The following VPS29 variants were observed in gnomAD, a reference collection of about 807,000 sequenced individuals.
VPS29 encodes the protein vacuolar protein sorting-associated protein 29.
In VPS29, 2 loss-of-function variants were observed where a neutral mutation model predicts 20.0. The observed-to-expected ratio is 0.10, with a 90% CI of 0.04 to 0.31. The LOEUF (loss-of-function observed/expected upper bound fraction) is 0.31. Ranked by LOEUF, VPS29 falls within the 10% of genes least tolerant of loss-of-function variation. VPS29 has a pLI of 1.00. For synonymous variants in VPS29, 81 were observed against 79.3 expected, an observed-to-expected ratio of 1.02 and a Z score of -0.12; for missense variants, 120 against 215.3, an observed-to-expected ratio of 0.56 and a Z score of 2.77.
intron 1 of VPS29, among the ~76,000 whole-genome samples, chr12:110,497,207 CTTTTTTTT>C (rs71083128): frequency 1.1e-3 from 84 of 77,224 alleles, no homozygotes; most frequent in African/African-American, 3.6e-3. Context: ...AAATTTCTTT[CTTTTTTTT>C]TTTTTTTTTT....
chr12:110,492,265 G>A (rs563083280), intron 3 of VPS29, 143 bp from the exon 4 acceptor site: 6 of 690,462 alleles, frequency 8.7e-6, no homozygotes, highest in Non-Finnish European at 1.5e-5. Flanking sequence ...AAAATGGCTA[G>A]ATTTATTTAA....
Position 110,499,465 on chromosome 12 carries a change from G to A in VPS29, c.3+2584C>T, listed in dbSNP as rs893000714. 3.1e-6 allele frequency: 5 copies of A among 1,603,984 alleles called. No homozygotes were observed. The African/African-American group carries it at 5.4e-5, about 17-fold the overall frequency. On this transcript the variant is annotated intron_variant, in intron 1 of 3. Transcript: ENST00000549578. Reference sequence around the variant, plus strand: ...ACTTCCTTTCAACAGACCTTAAAAGGGTAAGAAATCCAGTCAGTAAACAGC... The same window carrying A: ...ACTTCCTTTCAACAGACCTTAAAAGAGTAAGAAATCCAGTCAGTAAACAGC...
Position 110,502,076 on chromosome 12 carries a change from A to C in VPS29, c.-25T>G. 3 of 1,609,426 alleles carry C rather than the reference A, an allele frequency of 1.9e-6. No individual in the cohort carries two copies. Among genetic ancestry groups the C allele is most frequent in the Non-Finnish European group, 2.5e-6 (3 of 1,178,584 alleles). On this transcript the variant is annotated 5_prime_UTR_variant, in exon 1 of 4. Transcript: ENST00000549578. ...TCCTGTCACCGGGCTCCGCTCAGTC[A>C]CCACCACCGTCGCCGCCCTCTTCCT...
rs55864430 is a variant in VPS29 at position 110,494,550 on chromosome 12, G to A, written c.196-1319C>T. The stretch of plus-strand genomic sequence containing the variant: ...ATTACAGGCGTGAGCCACCGCACCC[G>A]GCCTAAAATAAAATTTTCAAACTAG... On this transcript the variant is annotated intron_variant, in intron 2 of 3. Coordinates refer to ENST00000549578, the MANE Select transcript of VPS29 (RefSeq NM_016226.5). Among the ~76,000 whole-genome samples the A allele has an allele frequency of 9.9e-3, 1,501 of 151,580 alleles. 31 individuals carry two copies. Among genetic ancestry groups the A allele is most frequent in the African/African-American group, 0.035 (1,439 of 41,308 alleles).
chr12:110,493,957 A>G (rs1471517476), intron 2 of VPS29, among the ~76,000 whole-genome samples: 1 of 152,180 alleles, frequency 6.6e-6, no homozygotes, highest in African/African-American at 2.4e-5. Flanking sequence ...ACTTAGTATG[A>G]GCCAGGCACT....
At position 110,496,169 on chromosome 12, in the gene VPS29, T is replaced by A; in HGVS notation, c.38A>T (p.His13Leu). 1 of 1,613,676 alleles carries A rather than the reference T, an allele frequency of 6.2e-7. No homozygotes were observed. ...TTTAGCTGGCAAACTGTTGCACCGG[T>A]GTGGGATGTGCAGATCTCCTAATAC... ...VLVLGDLHIP[H>L]RCNSLPAKFK... Residue 13 changes from histidine to leucine, a missense_variant, in exon 2 of 4, where the codon CAC (histidine) becomes CTC (leucine). Coordinates refer to ENST00000549578, the MANE Select transcript of VPS29 (RefSeq NM_016226.5).
Position 110,493,230 on chromosome 12 carries a change from T to G in VPS29, c.197A>C (p.Asn66Thr), listed in dbSNP as rs201417283. The stretch of plus-strand genomic sequence containing the variant: ...AACTTTCTGTTCTGGATAATTCAGA[T>G]TCTAACATAAGAAAAAGACGTAAGA... ...VHIVRGDFDE[N>T]LNYPEQKVVT... Residue 66 changes from asparagine (N) to threonine (T), a missense_variant and splice_region_variant, in exon 3 of 4, where the codon AAT (asparagine) becomes ACT (threonine). Transcript: ENST00000549578. 1 of 1,496,794 alleles carries G rather than the reference T, an allele frequency of 6.7e-7. No homozygotes were observed. The allele number at this position is 1,496,794 out of a possible 1,614,324, so 92.7% of individuals were successfully genotyped here.
chr12:110,501,711 C>T (rs2063054471), intron 1 of VPS29: 3 of 1,308,532 alleles, frequency 2.3e-6, no homozygotes, highest in African/African-American at 1.5e-5. Context: ...GACCGTGCCC[C>T]TATCCCCGGA....
intron 1 of VPS29, chr12:110,496,788 C>A (rs964529201): frequency 6.6e-6 from 1 of 152,144 alleles, no homozygotes; most frequent in Non-Finnish European, 1.5e-5. Flanking sequence ...CAACTATGTG[C>A]AAGCATAATA....
chr12:110,497,615 G>C (rs552460168), intron 1 of VPS29, among the ~76,000 whole-genome samples: 2 of 152,192 alleles, frequency 1.3e-5, no homozygotes, highest in African/African-American at 4.8e-5. Context: ...GTCTGGCTGA[G>C]TGCGGTGGCT....
chr12:110,495,083 A>G (rs571284441), intron 2 of VPS29, among the ~76,000 whole-genome samples: 2 of 152,286 alleles, frequency 1.3e-5, no homozygotes, highest in Admixed American at 6.5e-5. Flanking sequence ...ACAAAGTAAA[A>G]TCTTACTTTT....
intron 1 of VPS29, chr12:110,501,442 A>T (rs1417876104): frequency 6.5e-7 from 1 of 1,535,374 alleles, no homozygotes; most frequent in Admixed American, 2.0e-5. Flanking sequence ...CAACCCGTGG[A>T]AAGAAACAGT....
chr12:110,501,446 A>AAAC (rs1303420112), intron 1 of VPS29: 1 of 1,535,394 alleles, frequency 6.5e-7, no homozygotes, highest in African/African-American at 1.4e-5. Context: ...CCGTGGAAAG[A>AAAC]AACAGTTCCA....
chr12:110,493,362 A>T (rs892787621), intron 2 of VPS29, 131 bp from the exon 3 acceptor site: 236 of 467,824 alleles, frequency 5.0e-4, no homozygotes, highest in African/African-American at 4.6e-3. Flanking sequence ...ACATTTATAC[A>T]TTTTTTTTTT....
In VPS29 at chr12:110,496,102, G is replaced by C; in HGVS notation, c.105C>G (p.Leu35=). The stretch of plus-strand genomic sequence containing the variant: ...CTTTGGTGCAAAGGTTTCCTGTGCA[G>C]AGAATGTGCTGAATTTTTCCTGGCA... ...LLVPGKIQHI[L]CTGNLCTKES... is the part of the protein sequence containing the mutation. Residue 35 remains leucine (L), a synonymous_variant, in exon 2 of 4, where the codon CTC becomes CTG. Transcript: ENST00000549578. 6.2e-7 allele frequency: 1 copy of C among 1,614,110 alleles called. No individual in the cohort carries two copies. The highest frequency in any genetic ancestry group is 2.2e-5 in the East Asian group (1 of 44,878).
At chr12:110,501,904 G>T in intron 1 of VPS29, 145 bp downstream of exon 1, 1 of 1,553,164 alleles carries the variant, frequency 6.4e-7, no homozygotes. Context: ...GACCTCTTCT[G>T]GGCCTTTCCC....
intron 2 of VPS29, among the ~76,000 whole-genome samples, chr12:110,494,846 A>C (rs1312095058): frequency 6.6e-6 from 1 of 152,098 alleles, no homozygotes; most frequent in Admixed American, 6.5e-5. Context: ...CAGCCTCCCA[A>C]GTAGCTGGGA....
rs906609224 is a variant in VPS29, at chr12:110,501,363, C to T, written c.3+686G>A. 16 of 1,534,232 alleles carry T rather than the reference C, an allele frequency of 1.0e-5. No homozygotes were observed. The Admixed American group carries it at 1.4e-4, about 13-fold the overall frequency. On this transcript the variant is annotated intron_variant, in intron 1 of 3. Transcript: ENST00000549578. ...CTCTCCCCAGAAAAATGTGTATATT[C>T]ACAAAAATTTCCCAACAGTTTCAAT...
At chr12:110,495,015 C>G (rs118053970) in intron 2 of VPS29, among the ~76,000 whole-genome samples, 8,879 of 152,294 alleles carry the variant, frequency 0.058, 338 homozygotes, top group Middle Eastern at 0.099. Flanking sequence ...CCACCGTACC[C>G]GGCCCAGAAC....
Sources: allele counts gnomAD v4.1 joint callset (sites outside exome capture counted in the v4.1 genomes callset), GRCh38; gene constraint gnomAD v4.1.1; transcripts MANE v1.5; gene names NCBI Gene and HGNC (gene_info 2026-07-23, HGNC 2026-07-21).